DAB1: variants seen among roughly 807,000 people sequenced by gnomAD.
DAB1 encodes the protein DAB adaptor protein 1, also known as disabled homolog 1.
In DAB1, 15 loss-of-function variants were observed where a neutral mutation model predicts 64.6. The ratio of observed to expected loss-of-function variants is 0.23; its 90% CI spans 0.16 to 0.36. The LOEUF is 0.36. Among genes scored for constraint, DAB1 ranks in the 10% least tolerant of loss-of-function variants. DAB1 has a pLI of 1.00. For synonymous variants in DAB1, 235 were observed against 251.9 expected (o/e 0.93, Z 0.64); for missense variants, 596 against 706.7 (o/e 0.84, Z 1.78).
At chr1:58,504,923 T>C (rs1645962923) in intron 3 of DAB1, among the ~76,000 whole-genome samples, 1 of 152,156 alleles carries the variant, frequency 6.6e-6, no homozygotes, top group African/African-American at 2.4e-5. Context: ...ACTCCGTATT[T>C]GTTGGGCTGA....
intron 7 of DAB1, among the ~76,000 whole-genome samples, chr1:57,620,752 G>A (rs1645847287): frequency 6.6e-6 from 1 of 152,200 alleles, no homozygotes; most frequent in Non-Finnish European, 1.5e-5. Context: ...CTAGACAGGA[G>A]GAGGTAGGAG....
intron 4 of DAB1, among the ~76,000 whole-genome samples, chr1:57,113,019 A>T (rs1340164592): frequency 6.6e-6 from 1 of 152,130 alleles, no homozygotes; most frequent in Non-Finnish European, 1.5e-5. Context: ...GGAACATACC[A>T]CTGTGGGGGT....
intron 1 of DAB1, among the ~76,000 whole-genome samples, chr1:57,877,545 A>ATT (rs58070219): frequency 0.012 from 804 of 65,006 alleles, 203 homozygotes; most frequent in African/African-American, 0.069. Context: ...TAATTGATTT[A>ATT]TTTTTTTTTT....
At chr1:58,183,376 C>T (rs988295185) in intron 4 of DAB1, among the ~76,000 whole-genome samples, 1 of 151,128 alleles carries the variant, frequency 6.6e-6, no homozygotes, top group Non-Finnish European at 1.5e-5. Context: ...ATTATGCACA[C>T]AGCTGCACCT....
At chr1:58,063,638 T>A (rs996664793) in intron 5 of DAB1, among the ~76,000 whole-genome samples, 21 of 152,208 alleles carry the variant, frequency 1.4e-4, no homozygotes, top group Non-Finnish European at 2.8e-4. Flanking sequence ...CCTGAGTTTT[T>A]ATCTGTAAAA....
chr1:57,576,918 T>C (rs575156153), intron 7 of DAB1, among the ~76,000 whole-genome samples: 2 of 152,314 alleles, frequency 1.3e-5, no homozygotes, highest in South Asian at 2.1e-4. Context: ...TTCCCCACCC[T>C]GCAGGCTTAT....
intron 6 of DAB1, among the ~76,000 whole-genome samples, chr1:57,655,073 G>T (rs1450455453): frequency 6.6e-6 from 1 of 152,058 alleles, no homozygotes; most frequent in Admixed American, 6.6e-5. Flanking sequence ...CTGTTTTGGG[G>T]CTGTATATTT....
chr1:57,031,241 A>G (rs988003958), intron 9 of DAB1, among the ~76,000 whole-genome samples: 2 of 152,190 alleles, frequency 1.3e-5, no homozygotes, highest in African/African-American at 4.8e-5. Flanking sequence ...CTTGGGCCAT[A>G]AAATTAAAAA....
chr1:57,301,850 T>C (rs1307625004), intron 1 of DAB1, among the ~76,000 whole-genome samples: 1 of 152,116 alleles, frequency 6.6e-6, no homozygotes, highest in Non-Finnish European at 1.5e-5. Flanking sequence ...TGACCATCAA[T>C]AGATTTCCCC....
intron 5 of DAB1, among the ~76,000 whole-genome samples, chr1:58,113,319 T>A (rs897805402): frequency 2.1e-4 from 32 of 152,186 alleles, no homozygotes; most frequent in African/African-American, 7.5e-4. Flanking sequence ...TTAAAGATGG[T>A]ACCAAGGATT....
intron 2 of DAB1, among the ~76,000 whole-genome samples, chr1:58,511,266 G>A (rs1178335575): frequency 1.3e-5 from 2 of 152,118 alleles, no homozygotes; most frequent in Non-Finnish European, 2.9e-5. Flanking sequence ...AGTATTAGCA[G>A]AAAGATAACC....
At chr1:58,460,650 C>A (rs892718577) in intron 3 of DAB1, among the ~76,000 whole-genome samples, 1 of 152,116 alleles carries the variant, frequency 6.6e-6, no homozygotes, top group Non-Finnish European at 1.5e-5. Context: ...GAAAGAGGGT[C>A]CCTTCCCACG....
chr1:57,808,933 T>C (rs1470209607), intron 6 of DAB1, among the ~76,000 whole-genome samples: 1 of 152,216 alleles, frequency 6.6e-6, no homozygotes, highest in East Asian at 1.9e-4. Context: ...GTAACCTTCC[T>C]ATTTTCCAGT....
At chr1:58,071,446 G>A (rs938012659) in intron 5 of DAB1, 1 of 155,406 alleles carries the variant, frequency 6.4e-6, no homozygotes, top group East Asian at 1.9e-4. Flanking sequence ...GGGCTGCTAA[G>A]AGAAGGGTGA....
At chr1:57,026,137 C>T (rs1369566874) in intron 9 of DAB1, 94 bp from the exon 10 acceptor site, 2 of 916,204 alleles carry the variant, frequency 2.2e-6, no homozygotes, top group Admixed American at 4.9e-5. Context: ...ATACACATTT[C>T]TGTTTTTCAT....
rs1647379010 is a variant in DAB1, at chr1:58,048,317, C to T, written n.387+102194G>A. 6 of 1,155,286 alleles carry T rather than the reference C, an allele frequency of 5.2e-6. No homozygotes were observed. The Admixed American group carries it at 8.4e-5, about 16-fold the overall frequency. 71.6% of individuals were successfully genotyped at this position (1,155,286 alleles called of 1,614,324 possible). On this transcript the variant is annotated intron_variant and non_coding_transcript_variant, in intron 5 of 20. Transcript: ENST00000485760. Reference sequence around the variant, plus strand: ...TCCAAAATCTCCCCCCTTCATGGGTCCAAAATTTGAAAACTGATTGTTTTA... The same window carrying T: ...TCCAAAATCTCCCCCCTTCATGGGTTCAAAATTTGAAAACTGATTGTTTTA...
rs868823755 is a variant in DAB1, at chr1:58,494,745, C to T, written n.257+11315G>A. On this transcript the variant is annotated intron_variant and non_coding_transcript_variant, in intron 3 of 20. Transcript: ENST00000485760. ...TACCATCTCACACCAGTTAGAATGGCGATCATTAAAAAGTCAGGAAACTAC... is the reference window on the plus strand; with the variant it reads ...TACCATCTCACACCAGTTAGAATGGTGATCATTAAAAAGTCAGGAAACTAC... Among the ~76,000 whole-genome samples the T allele has an allele frequency of 7.3e-4, 111 of 152,010 alleles. 1 individual carries two copies. Among genetic ancestry groups the T allele is most frequent in the African/African-American group, 1.1e-3 (45 of 41,438 alleles).
At chr1:57,755,257 C>G (rs552083201) in intron 6 of DAB1, among the ~76,000 whole-genome samples, 2 of 152,190 alleles carry the variant, frequency 1.3e-5, no homozygotes, top group South Asian at 2.1e-4. Flanking sequence ...AGCTTTGAAT[C>G]TATAAATCAA....
At chr1:57,002,262 A>G (rs11206955) in intron 14 of DAB1, among the ~76,000 whole-genome samples, 22,879 of 152,218 alleles carry the variant, frequency 0.15, 2,281 homozygotes, top group East Asian at 0.33. Context: ...TAAGTCATGC[A>G]GGCCTAGCTT....
Sources: gnomAD v4.1 joint callset for allele counts (sites outside exome capture counted in the v4.1 genomes callset) on GRCh38, gnomAD v4.1.1 for gene constraint, MANE v1.5 for transcripts, NCBI Gene and HGNC (gene_info 2026-07-23, HGNC 2026-07-21) for gene names.